Variants in MRC1 observed in about 807,000 individuals in gnomAD.
MRC1 encodes the protein macrophage mannose receptor 1.
MRC1 carries 62 observed loss-of-function variants against 102.9 expected under a neutral mutation model. That is an observed-to-expected ratio of 0.60 (90% CI 0.49 to 0.74). The LOEUF (loss-of-function observed/expected upper bound fraction) is 0.74. Ranked by LOEUF, MRC1 falls within the 30% of genes least tolerant of loss-of-function variation. The probability of loss-of-function intolerance (pLI) is 0.00; values close to 1 mark genes in which losing one functional copy is unlikely to be tolerated. For missense variants in MRC1, 1,237 were observed against 862.8 expected (o/e 1.43, Z -5.43); for synonymous variants, 457 against 298.4 (o/e 1.53, Z -5.48).
At chr10:17,821,456 G>T (rs1311451393) in intron 1 of MRC1, among the ~76,000 whole-genome samples, 4 of 151,920 alleles carry the variant, frequency 2.6e-5, no homozygotes, top group Admixed American at 2.6e-4. Flanking sequence ...GCTGGGTCTT[G>T]GTACCCAGAT....
chr10:17,872,642 C>T (rs1393207446), intron 15 of MRC1, among the ~76,000 whole-genome samples: 1 of 152,170 alleles, frequency 6.6e-6, no homozygotes, highest in African/African-American at 2.4e-5. Flanking sequence ...AATACGCATG[C>T]TGACAGCCAT....
intron 22 of MRC1, among the ~76,000 whole-genome samples, chr10:17,888,970 G>T (rs1833637818): frequency 6.6e-6 from 1 of 152,172 alleles, no homozygotes; most frequent in South Asian, 2.1e-4. Flanking sequence ...ACACAGTAGA[G>T]ACTGTTATGT....
chr10:17,852,126 GACTTTA>G (rs1431563512), intron 7 of MRC1, among the ~76,000 whole-genome samples: 1 of 152,022 alleles, frequency 6.6e-6, no homozygotes, highest in African/African-American at 2.4e-5. Context: ...AACCTTCATT[GACTTTA>G]ACTTTATCCC....
intron 15 of MRC1, among the ~76,000 whole-genome samples, chr10:17,872,428 A>G (rs941713775): frequency 2.0e-5 from 3 of 152,286 alleles, no homozygotes; most frequent in Non-Finnish European, 4.4e-5. Flanking sequence ...TGAGTGTCCT[A>G]TGCTGTCAAC....
At position 17,880,560 on chromosome 10, in the gene MRC1, G is replaced by A. The variant is rs782206591; in HGVS notation, c.2755G>A (p.Ala919Thr). 232 of 780,716 alleles carry A rather than the reference G, an allele frequency of 3.0e-4. 2 individuals carry two copies. In the African/African-American group the frequency reaches 3.4e-3, roughly 11 times the overall value. 48.4% of individuals were successfully genotyped at this position (780,716 alleles called of 1,614,324 possible). A position where few individuals can be genotyped will look rare whatever the true frequency, so the allele number is the denominator to read the frequency against. The change falls in exon 20 of 30, where the codon GCC becomes ACC. Residue 919 changes from alanine (A) to threonine (T), a missense_variant. Coordinates refer to ENST00000569591, the MANE Select transcript of MRC1 (RefSeq NM_002438.4). The stretch of plus-strand genomic sequence containing the variant: ...TGACATTAACTGTGGCTATCCAAAC[G>A]CCTTCATTTGCCAGCGACATAACAG... ...WNDINCGYPN[A>T]FICQRHNSSI... is the part of the protein sequence containing the mutation.
chr10:17,842,691 G>T (rs1838769687), intron 5 of MRC1, among the ~76,000 whole-genome samples: 1 of 152,112 alleles, frequency 6.6e-6, no homozygotes, highest in African/African-American at 2.4e-5. Flanking sequence ...TCTTCTTTGT[G>T]TTGCTAAATT....
chr10:17,811,520 C>T (rs1427278004), intron 1 of MRC1, among the ~76,000 whole-genome samples: 2 of 151,820 alleles, frequency 1.3e-5, no homozygotes, highest in African/African-American at 4.8e-5. Flanking sequence ...TTCAAGGGAC[C>T]CCCCTTCCAG....
chr10:17,845,049 A>G, intron 5 of MRC1: 1 of 753,484 alleles, frequency 1.3e-6, no homozygotes, highest in East Asian at 2.5e-5. Flanking sequence ...GTTGTTTCAA[A>G]GAAGTATATT....
intron 5 of MRC1, among the ~76,000 whole-genome samples, chr10:17,842,743 G>A (rs1017691656): frequency 1.4e-4 from 21 of 152,246 alleles, no homozygotes; most frequent in African/African-American, 4.3e-4. Flanking sequence ...TCACTTGGGG[G>A]TGATGATTAT....
At chr10:17,894,394 CTTTTTTTTTT>C (rs34625338) in intron 23 of MRC1, 82 bp downstream of exon 23, 8 of 406,296 alleles carry the variant, frequency 2.0e-5, no homozygotes, top group Admixed American at 4.5e-5. Context: ...TTCTTTCTTT[CTTTTTTTTTT>C]TTTTTTTTTT....
chr10:17,822,970 G>A (rs1838418024), intron 1 of MRC1, 104 bp from the exon 2 acceptor site: 2 of 720,594 alleles, frequency 2.8e-6, no homozygotes. Flanking sequence ...TTAGGGAAAT[G>A]GAAGAGTTGG....
At chr10:17,820,516 A>G (rs1838378893) in intron 1 of MRC1, among the ~76,000 whole-genome samples, 1 of 152,228 alleles carries the variant, frequency 6.6e-6, no homozygotes, top group Non-Finnish European at 1.5e-5. Flanking sequence ...CTTCTCTTAA[A>G]AGACTGGTTG....
intron 9 of MRC1, among the ~76,000 whole-genome samples, chr10:17,856,570 G>A (rs1833096310): frequency 1.3e-5 from 2 of 152,138 alleles, no homozygotes; most frequent in South Asian, 4.1e-4. Flanking sequence ...AAGGCCGGTA[G>A]CTCCTTTCAG....
chr10:17,812,750 T>C (rs1364296036), intron 1 of MRC1, among the ~76,000 whole-genome samples: 1 of 151,940 alleles, frequency 6.6e-6, no homozygotes, highest in Non-Finnish European at 1.5e-5. Context: ...TTTTTCTATT[T>C]TTAGTAGAGA....
Position 17,898,040 on chromosome 10 carries a change from C to G in MRC1, c.3257C>G (p.Ser1086Cys). The G allele has an allele frequency of 1.3e-6, 1 of 780,792 alleles. No homozygotes were observed. The highest frequency in any genetic ancestry group is 2.4e-6 in the Non-Finnish European group (1 of 417,936). The allele number at this position is 780,792 out of a possible 1,614,324, so 48.4% of individuals were successfully genotyped here. A position where few individuals can be genotyped will look rare whatever the true frequency, so the allele number is the denominator to read the frequency against. ...AAATAATGTTTTTATCTAGACCCTTCCTTGACTAATCCTCCAGCAACGATT... is the reference window on the plus strand; with the variant it reads ...AAATAATGTTTTTATCTAGACCCTTGCTTGACTAATCCTCCAGCAACGATT... ...GYICQTRSDP[S>C]LTNPPATIQT... Residue 1086 changes from serine to cysteine, a missense_variant, in exon 24 of 30, where the codon TCC (serine) becomes TGC (cysteine). Physicochemically the swap from Ser to Cys is moderately radical, Grantham distance 112 (BLOSUM62 -1). Transcript: ENST00000569591.
At chr10:17,832,539 A>G (rs1838591492) in intron 3 of MRC1, among the ~76,000 whole-genome samples, 1 of 148,504 alleles carries the variant, frequency 6.7e-6, no homozygotes, top group African/African-American at 2.6e-5. Flanking sequence ...TGGGCGACAG[A>G]GCGAGACTCT....
chr10:17,846,104 C>T (rs1309283624), intron 6 of MRC1, among the ~76,000 whole-genome samples: 8 of 152,046 alleles, frequency 5.3e-5, no homozygotes, highest in South Asian at 2.1e-4. Context: ...GATGGTGTTT[C>T]GCTGTGTTGG....
At chr10:17,882,481 G>T (rs1833533948) in intron 21 of MRC1, among the ~76,000 whole-genome samples, 1 of 151,956 alleles carries the variant, frequency 6.6e-6, no homozygotes, top group Non-Finnish European at 1.5e-5. Context: ...GGAGACATAT[G>T]GACTGAATGT....
At chr10:17,889,918 T>C (rs1833650086) in intron 22 of MRC1, among the ~76,000 whole-genome samples, 2 of 152,216 alleles carry the variant, frequency 1.3e-5, no homozygotes, top group Non-Finnish European at 1.5e-5. Flanking sequence ...CCTTCTCTAA[T>C]GCTTTTCATT....
Sources: allele counts gnomAD v4.1 joint callset (sites outside exome capture counted in the v4.1 genomes callset), GRCh38; gene constraint gnomAD v4.1.1; transcripts MANE v1.5; gene names NCBI Gene and HGNC (gene_info 2026-07-23, HGNC 2026-07-21).